ABCB1: variants seen among roughly 807,000 people sequenced by gnomAD.
ABCB1 encodes ATP-dependent translocase ABCB1.
Under a neutral mutation model 142.0 loss-of-function variants are expected in ABCB1, and 69 were observed. The ratio of observed to expected loss-of-function variants is 0.49; its 90% CI spans 0.40 to 0.59. The LOEUF (loss-of-function observed/expected upper bound fraction) is 0.59. Among genes scored for constraint, ABCB1 ranks in the 20% least tolerant of loss-of-function variants. ABCB1 has a pLI of 0.00. For missense variants in ABCB1, 1,326 were observed against 1,554.7 expected (o/e 0.85, Z 2.47); for synonymous variants, 532 against 539.2 (o/e 0.99, Z 0.18).
At chr7:87,622,671 G>A (rs150392026) in intron 1 of ABCB1, among the ~76,000 whole-genome samples, 225 of 152,254 alleles carry the variant, frequency 1.5e-3, no homozygotes, top group African/African-American at 5.2e-3. Flanking sequence ...TACAGTATGG[G>A]AGTTTTGTGT....
At chr7:87,602,791 G>GA (rs1257849572), upstream of ABCB1, among the ~76,000 whole-genome samples, 1 of 152,138 alleles carries the variant, frequency 6.6e-6, no homozygotes, top group Non-Finnish European at 1.5e-5. Context: ...CCACTGACAT[G>GA]AAAGTGTGAA....
intron 2 of ABCB1, among the ~76,000 whole-genome samples, chr7:87,596,927 C>G (rs189126252): frequency 1.4e-4 from 21 of 152,082 alleles, no homozygotes; most frequent in Admixed American, 1.4e-3. Flanking sequence ...TAGCTCTAAG[C>G]CTTTTATTTA....
At chr7:87,617,387 G>A (rs1358174054) in intron 1 of ABCB1, among the ~76,000 whole-genome samples, 1 of 152,198 alleles carries the variant, frequency 6.6e-6, no homozygotes, top group Non-Finnish European at 1.5e-5. Context: ...TAAAGGAGAT[G>A]TTTTCTGAGA....
At chr7:87,544,488 T>A (rs896718126) in intron 16 of ABCB1, among the ~76,000 whole-genome samples, 4 of 152,204 alleles carry the variant, frequency 2.6e-5, no homozygotes, top group Admixed American at 6.5e-5. Context: ...CTTTATTTTT[T>A]AAAAAATAAA....
At chr7:87,520,525 T>A (rs1166510379) in intron 22 of ABCB1, among the ~76,000 whole-genome samples, 1 of 152,186 alleles carries the variant, frequency 6.6e-6, no homozygotes, top group East Asian at 1.9e-4. Context: ...CAGATAGTCA[T>A]TCTCAGCATC....
chr7:87,550,160 G>C lies in ABCB1; in HGVS notation c.1350+11C>G. On this transcript the variant is annotated intron_variant, in intron 12 of 27. Transcript: ENST00000622132. ...ATCACCGCAGGGTCTAGCTCGCATGGGTCATCTCACCATCCCCTCTGTGGG... is the reference window on the plus strand; with the variant it reads ...ATCACCGCAGGGTCTAGCTCGCATGCGTCATCTCACCATCCCCTCTGTGGG... 1.2e-6 allele frequency: 2 copies of C among 1,614,158 alleles called. No individual in the cohort carries two copies. The highest frequency in any genetic ancestry group is 1.7e-6 in the Non-Finnish European group (2 of 1,180,034).
At chr7:87,598,916 A>AG (rs1819323764) in intron 2 of ABCB1, among the ~76,000 whole-genome samples, 1 of 152,096 alleles carries the variant, frequency 6.6e-6, no homozygotes, top group Non-Finnish European at 1.5e-5. Flanking sequence ...TTAGCTACTG[A>AG]GGGGTTCATT....
intron 1 of ABCB1, chr7:87,694,159 C>A (rs779909533): frequency 3.9e-5 from 18 of 457,732 alleles, no homozygotes; most frequent in Non-Finnish European, 4.6e-5. Context: ...AAATTAAAAT[C>A]TTGTAAATCC....
At chr7:87,566,693 C>T (rs905617486) in intron 6 of ABCB1, 92 bp downstream of exon 6, 1 of 1,266,892 alleles carries the variant, frequency 7.9e-7, no homozygotes, top group Non-Finnish European at 1.1e-6. Context: ...TTGAATGATA[C>T]ATTAACACCT....
chr7:87,519,243 A>G, intron 23 of ABCB1, 83 bp downstream of exon 23: 1 of 1,363,858 alleles, frequency 7.3e-7, no homozygotes, highest in Non-Finnish European at 1.0e-6. Context: ...GAGGCTTCAC[A>G]GTAGGGTTTC....
At chr7:87,589,446 G>A (rs1389452820) in intron 3 of ABCB1, among the ~76,000 whole-genome samples, 1 of 152,110 alleles carries the variant, frequency 6.6e-6, no homozygotes, top group Non-Finnish European at 1.5e-5. Flanking sequence ...TAACACAGGT[G>A]AAATGTAAAA....
intron 14 of ABCB1, among the ~76,000 whole-genome samples, chr7:87,547,499 G>A (rs962657250): frequency 2.6e-5 from 4 of 151,612 alleles, no homozygotes; most frequent in East Asian, 3.9e-4. Context: ...AGGCTGAGGC[G>A]GGAGGATTGC....
chr7:87,585,179 A>G (rs949881649), intron 4 of ABCB1, among the ~76,000 whole-genome samples: 7 of 152,162 alleles, frequency 4.6e-5, no homozygotes, highest in Non-Finnish European at 8.8e-5. Flanking sequence ...CCCATGTTCA[A>G]TCTGTTAGGA....
At chr7:87,572,384 C>G (rs1359270044) in intron 4 of ABCB1, among the ~76,000 whole-genome samples, 2 of 152,072 alleles carry the variant, frequency 1.3e-5, no homozygotes, top group Non-Finnish European at 2.9e-5. Context: ...TTCTAAATAG[C>G]TCAAAAAGTA....
chr7:87,602,319 A>G (rs1332534732), upstream of ABCB1, among the ~76,000 whole-genome samples: 1 of 89,744 alleles, frequency 1.1e-5, no homozygotes, highest in African/African-American at 4.9e-5. Context: ...TTTTTTTTTC[A>G]CAAATTGTTA....
At chr7:87,676,058 C>T (rs1206130142) in intron 1 of ABCB1, among the ~76,000 whole-genome samples, 1 of 151,810 alleles carries the variant, frequency 6.6e-6, no homozygotes, top group Non-Finnish European at 1.5e-5. Context: ...AGATTCCCAT[C>T]TCTACAAAAA....
chr7:87,665,185 TACA>T (rs1585040752), intron 1 of ABCB1, among the ~76,000 whole-genome samples: 1 of 152,134 alleles, frequency 6.6e-6, no homozygotes, highest in Non-Finnish European at 1.5e-5. Context: ...TAAATTATCT[TACA>T]TGTATAAGAA....
rs534764144 is a variant in ABCB1 at position 87,609,933 on chromosome 7, C to T, written c.-330-8855G>A. On this transcript the variant is annotated intron_variant, in intron 1 of 28. Coordinates refer to the ABCB1 transcript ENST00000265724. ...TAATAATAAAAATGTATGTAAAATA[C>T]CTAAAACTATATTAACACTTAAAAA... Among the ~76,000 whole-genome samples, 9 of 152,008 alleles carry T rather than the reference C, an allele frequency of 5.9e-5. No individual in the cohort carries two copies. In the South Asian group the frequency reaches 1.9e-3, roughly 32 times the overall value.
At chr7:87,644,985 G>A (rs1223219642) in intron 1 of ABCB1, among the ~76,000 whole-genome samples, 1 of 151,658 alleles carries the variant, frequency 6.6e-6, no homozygotes, top group East Asian at 1.9e-4. Context: ...AACAGTTTTG[G>A]TAACCATCTC....
Sources: allele counts gnomAD v4.1 joint callset (sites outside exome capture counted in the v4.1 genomes callset), GRCh38; gene constraint gnomAD v4.1.1; transcripts MANE v1.5; gene names NCBI Gene and HGNC (gene_info 2026-07-23, HGNC 2026-07-21).